The following FHL1 variants were observed in gnomAD, a reference collection of about 807,000 sequenced individuals.
FHL1 encodes the protein four and a half LIM domains protein 1.
Under a neutral mutation model 20.3 loss-of-function variants are expected in FHL1, and 1 was observed. The observed-to-expected ratio is 0.05, with a 90% CI of 0.02 to 0.23. The LOEUF is 0.23. Among genes scored for constraint, FHL1 ranks in the 10% least tolerant of loss-of-function variants. FHL1 has a pLI of 1.00. For missense variants in FHL1, 177 were observed against 234.0 expected (o/e 0.76, Z 1.59); for synonymous variants, 82 against 88.9 (o/e 0.92, Z 0.44).
chrX:136,184,001 G>C (rs1366966437), intron 2 of FHL1, among the ~76,000 whole-genome samples: 1 of 111,974 alleles, frequency 8.9e-6, no homozygotes, highest in Non-Finnish European at 1.9e-5. Context: ...AAATTATATA[G>C]AAAGTATTTG....
chrX:136,175,239 G>A (rs1324362957), intron 2 of FHL1, among the ~76,000 whole-genome samples: 1 of 112,373 alleles, frequency 8.9e-6, no homozygotes, highest in Non-Finnish European at 1.9e-5. Context: ...AGCCTCACTG[G>A]TATGCAAAGA....
At position 136,206,584 on chromosome X, in the gene FHL1, C is replaced by G. The variant is rs1327221666; in HGVS notation, c.200C>G (p.Ser67Cys). Reference sequence around the variant, plus strand: ...TGCCGCAAGCCCATCGGTGCGGACTCCAAGGTAACGGGCATCCCCATGTGC... The same window carrying G: ...TGCCGCAAGCCCATCGGTGCGGACTGCAAGGTAACGGGCATCCCCATGTGC... Reference protein sequence around the residue: ...VECRKPIGADSKEVHYKNRFW... With the variant: ...VECRKPIGADCKEVHYKNRFW... The change falls in exon 2 of 6, where the codon TCC becomes TGC. Residue 67 changes from serine to cysteine, a missense_variant. Transcript: ENST00000370683. 3 of 1,211,380 alleles carry G rather than the reference C, an allele frequency of 2.5e-6. No individual in the cohort carries two copies. The highest frequency in any genetic ancestry group is 3.4e-6 in the Non-Finnish European group (3 of 895,485).
Position 136,210,927 on chromosome X carries a change from G to C in FHL1, c.*902G>C, listed in dbSNP as rs1302130025. 1 of 383,052 alleles carries C rather than the reference G, an allele frequency of 2.6e-6. No individual in the cohort carries two copies. Among genetic ancestry groups the C allele is most frequent in the Admixed American group, 2.9e-5 (1 of 34,112 alleles). 31.6% of individuals were successfully genotyped at this position (383,052 alleles called of 1,213,427 possible). A position where few individuals can be genotyped will look rare whatever the true frequency, so the allele number is the denominator to read the frequency against. On this transcript the variant is annotated 3_prime_UTR_variant, in exon 6 of 6. Transcript: ENST00000370683. ...CAGTGCTGAAATTCATCCTACGGAA[G>C]TAACCGCAAAACTCTAGAGGGGGAG...
At chrX:136,201,832 G>A (rs1417459968) in intron 1 of FHL1, among the ~76,000 whole-genome samples, 1 of 110,334 alleles carries the variant, frequency 9.1e-6, no homozygotes, top group Admixed American at 9.7e-5. Context: ...ACAAAGACAA[G>A]TGGTAAGGGA....
chrX:136,184,386 T>C (rs945242918), intron 2 of FHL1, among the ~76,000 whole-genome samples: 4 of 111,836 alleles, frequency 3.6e-5, no homozygotes, highest in Middle Eastern at 4.6e-3. Flanking sequence ...CGTACAAATA[T>C]GCAGAGGAGT....
In FHL1 at chrX:136,210,939, C is replaced by T; in HGVS notation, c.*914C>T. On this transcript the variant is annotated 3_prime_UTR_variant, in exon 6 of 6. Coordinates refer to ENST00000370683, the MANE Select transcript of FHL1 (RefSeq NM_001159699.2). ...TCATCCTACGGAAGTAACCGCAAAA[C>T]TCTAGAGGGGGAGTTGAGCAGGCGC... The T allele has an allele frequency of 2.6e-6, 1 of 382,433 alleles. No homozygotes were observed. The highest frequency in any genetic ancestry group is 4.9e-6 in the Non-Finnish European group (1 of 202,490). 31.5% of individuals were successfully genotyped at this position (382,433 alleles called of 1,213,427 possible).
At chrX:136,191,673 T>C (rs998236680) in intron 2 of FHL1, among the ~76,000 whole-genome samples, 5 of 112,590 alleles carry the variant, frequency 4.4e-5, no homozygotes, top group Non-Finnish European at 9.4e-5. Context: ...AGATAGATCG[T>C]ATGTTACTAG....
chrX:136,153,425 C>T (rs903338519), intron 1 of FHL1, among the ~76,000 whole-genome samples: 7 of 111,419 alleles, frequency 6.3e-5, no homozygotes, highest in Non-Finnish European at 1.3e-4. Context: ...CCACATAGAA[C>T]TGTGAGCCAT....
At chrX:136,209,833 CTCTTGTTT>C in intron 5 of FHL1, 30 bp from the exon 6 acceptor site, 1 of 1,193,056 alleles carries the variant, frequency 8.4e-7, no homozygotes, top group South Asian at 1.8e-5. Context: ...TCAGCTGTTT[CTCTTGTTT>C]TCTTTTCTTT....
chrX:136,174,339 A>G (rs2072947082), intron 2 of FHL1, among the ~76,000 whole-genome samples: 1 of 111,708 alleles, frequency 9.0e-6, no homozygotes. Flanking sequence ...ATCGACAGGT[A>G]CGGGTGATTT....
At chrX:136,186,865 A>AATAT (rs1167280811) in intron 2 of FHL1, among the ~76,000 whole-genome samples, 2 of 10,155 alleles carry the variant, frequency 2.0e-4, no homozygotes, top group African/African-American at 2.5e-4. Flanking sequence ...AAAAAAAAAA[A>AATAT]ATATATATAT....
chrX:136,169,520 G>A (rs868268950), upstream of FHL1: 10 of 199,922 alleles, frequency 5.0e-5, no homozygotes, highest in East Asian at 1.3e-4. Flanking sequence ...GAGAGAGAGA[G>A]AAAAAAAAAG....
At position 136,149,477 on chromosome X, in the gene FHL1, A is replaced by C. The variant is rs981302084; in HGVS notation, c.-101+1849A>C. On this transcript the variant is annotated intron_variant, in intron 1 of 7. Coordinates refer to the FHL1 transcript ENST00000394155. ...TTTAACATTTTTAAGGGCAAATATAATCTTTATGCAACAGGAAATTGGTCA... is the reference window on the plus strand; with the variant it reads ...TTTAACATTTTTAAGGGCAAATATACTCTTTATGCAACAGGAAATTGGTCA... Among the ~76,000 whole-genome samples the C allele has an allele frequency of 1.2e-4, 13 of 112,370 alleles. No individual in the cohort carries two copies. The Admixed American group carries it at 1.2e-3, about 11-fold the overall frequency.
At chrX:136,179,377 G>A (rs746443436) in intron 2 of FHL1, among the ~76,000 whole-genome samples, 22 of 111,877 alleles carry the variant, frequency 2.0e-4, no homozygotes, top group Admixed American at 1.7e-3. Context: ...CAGCTCTGCC[G>A]TTTGAACTGT....
At chrX:136,169,770 A>G in intron 1 of FHL1, 2 of 330,635 alleles carry the variant, frequency 6.0e-6, no homozygotes, top group Non-Finnish European at 1.2e-5. Context: ...CTTTAACTCT[A>G]AGGGTTGTAA....
At chrX:136,180,886 C>T (rs1162295953) in intron 2 of FHL1, among the ~76,000 whole-genome samples, 4 of 111,297 alleles carry the variant, frequency 3.6e-5, no homozygotes, top group Non-Finnish European at 7.5e-5. Context: ...GAATTACAGG[C>T]GCTTACCACT....
chrX:136,208,429 A>C, intron 4 of FHL1, 26 bp from the exon 5 acceptor site: 3 of 1,209,304 alleles, frequency 2.5e-6, no homozygotes, highest in Non-Finnish European at 3.4e-6. Context: ...TTGAATCTGA[A>C]TCCGGTGCTA....
intron 2 of FHL1, among the ~76,000 whole-genome samples, chrX:136,189,560 C>T (rs773294401): frequency 8.1e-5 from 9 of 111,661 alleles, no homozygotes; most frequent in Non-Finnish European, 1.5e-4. Context: ...ACATTTTTAG[C>T]GTGTAGTTGA....
At chrX:136,151,335 C>T (rs1366233639) in intron 1 of FHL1, among the ~76,000 whole-genome samples, 1 of 113,025 alleles carries the variant, frequency 8.8e-6, no homozygotes, top group Non-Finnish European at 1.9e-5. Context: ...TGTAGCAGAA[C>T]ATAATTCCAG....
Sources: gnomAD v4.1 joint callset for allele counts (sites outside exome capture counted in the v4.1 genomes callset) on GRCh38, gnomAD v4.1.1 for gene constraint, MANE v1.5 for transcripts, NCBI Gene and HGNC (gene_info 2026-07-23, HGNC 2026-07-21) for gene names.